GPSM2: variants seen among roughly 807,000 people sequenced by gnomAD.
GPSM2 encodes the protein G protein signaling modulator 2, also known as G protein-signaling modulator 2.
In GPSM2, 58 loss-of-function variants were observed where a neutral mutation model predicts 78.4. The observed-to-expected ratio is 0.74, with a 90% CI of 0.60 to 0.92. GPSM2 has a LOEUF of 0.92. Among genes scored for constraint, GPSM2 ranks in the 40% least tolerant of loss-of-function variants. The pLI, the probability that GPSM2 is intolerant of heterozygous loss-of-function variation, is 0.00. For missense variants in GPSM2, 700 were observed against 815.5 expected (o/e 0.86, Z 1.73); for synonymous variants, 224 against 280.2 (o/e 0.80, Z 2.00).
rs115432750 is a variant in GPSM2 at position 108,931,104 on chromosome 1, A to C, written c.*1164A>C. 2,164 of 357,004 alleles carry C rather than the reference A, an allele frequency of 6.1e-3. 35 individuals carry two copies. The highest frequency in any genetic ancestry group is 0.042 in the African/African-American group (1,989 of 46,994). 22.1% of individuals were successfully genotyped at this position (357,004 alleles called of 1,614,324 possible). On this transcript the variant is annotated 3_prime_UTR_variant, in exon 15 of 15. Coordinates refer to ENST00000264126, the MANE Select transcript of GPSM2 (RefSeq NM_013296.5). ...TGGGCTGTTTAAAAAAATTATTTAA[A>C]ATGGTCTCTTCTGTTCCATAATACT...
chr1:108,900,537 C>T (rs1648729229), intron 7 of GPSM2, among the ~76,000 whole-genome samples: 1 of 152,188 alleles, frequency 6.6e-6, no homozygotes, highest in Non-Finnish European at 1.5e-5. Flanking sequence ...CCACACCCAG[C>T]CTGGAATTGT....
intron 2 of GPSM2, among the ~76,000 whole-genome samples, chr1:108,891,912 A>G (rs941684418): frequency 1.3e-5 from 2 of 152,180 alleles, no homozygotes; most frequent in African/African-American, 4.8e-5. Flanking sequence ...TTCTTATTCT[A>G]TATTATTAAT....
chr1:108,881,163 G>A (rs1665879461), intron 1 of GPSM2, among the ~76,000 whole-genome samples: 1 of 152,044 alleles, frequency 6.6e-6, no homozygotes, highest in African/African-American at 2.4e-5. Flanking sequence ...TCAATTCCCG[G>A]GATATGGAAA....
intron 2 of GPSM2, among the ~76,000 whole-genome samples, chr1:108,891,137 G>A (rs1162010917): frequency 1.3e-5 from 2 of 152,124 alleles, no homozygotes; most frequent in Admixed American, 1.3e-4. Context: ...GATACATTGG[G>A]TTTGTTACAC....
intron 7 of GPSM2, among the ~76,000 whole-genome samples, chr1:108,899,668 T>G (rs917233069): frequency 2.0e-5 from 3 of 152,228 alleles, no homozygotes; most frequent in Non-Finnish European, 4.4e-5. Flanking sequence ...CTGTGCTTTC[T>G]AGATTGAGTT....
chr1:108,918,891 T>C (rs1650480648), intron 12 of GPSM2, 102 bp downstream of exon 12: 1 of 755,686 alleles, frequency 1.3e-6, no homozygotes, highest in Non-Finnish European at 2.3e-6. Context: ...AGACATTTAA[T>C]ATAAAATATC....
At chr1:108,884,560 A>G (rs747944551) in intron 1 of GPSM2, among the ~76,000 whole-genome samples, 14 of 152,232 alleles carry the variant, frequency 9.2e-5, no homozygotes, top group Non-Finnish European at 1.8e-4. Flanking sequence ...CATTCGTGTT[A>G]AAGTTGTAAA....
rs1200151763 is a variant in GPSM2, at chr1:108,933,561, T to C, written c.*3621T>C. On this transcript the variant is annotated 3_prime_UTR_variant, in exon 15 of 15. Transcript: ENST00000264126. Reference sequence around the variant, plus strand: ...GGGATACAAATATCTGCATGAAAATTTAAAGACTTTATTCCTGACTGGTAT... The same window carrying C: ...GGGATACAAATATCTGCATGAAAATCTAAAGACTTTATTCCTGACTGGTAT... The C allele has an allele frequency of 6.6e-6, 1 of 152,254 alleles. No individual in the cohort carries two copies. The highest frequency in any genetic ancestry group is 1.5e-5 in the Non-Finnish European group (1 of 68,048). The allele number at this position is 152,254 out of a possible 1,614,324, so 9.4% of individuals were successfully genotyped here.
intron 7 of GPSM2, among the ~76,000 whole-genome samples, chr1:108,900,233 ATTTTTT>A (rs756615139): frequency 1.5e-5 from 2 of 131,226 alleles, no homozygotes; most frequent in Admixed American, 7.8e-5. Flanking sequence ...TCTTCTTTAG[ATTTTTT>A]TTTTTTTTTT....
At chr1:108,893,322 C>G (rs1351218610) in intron 2 of GPSM2, among the ~76,000 whole-genome samples, 2 of 152,222 alleles carry the variant, frequency 1.3e-5, no homozygotes, top group African/African-American at 2.4e-5. Flanking sequence ...TCCCGGCCAG[C>G]AACCCAGTCA....
chr1:108,917,092 AG>A (rs1484016977), intron 11 of GPSM2, among the ~76,000 whole-genome samples: 3 of 152,214 alleles, frequency 2.0e-5, no homozygotes, highest in African/African-American at 7.2e-5. Context: ...TAAATATATA[AG>A]GAACATTTTT....
chr1:108,924,452 T>C (rs903442765), intron 14 of GPSM2: 56 of 560,044 alleles, frequency 1.0e-4, no homozygotes, highest in East Asian at 4.8e-4. Context: ...TGTGTGTATA[T>C]ATATAGAGAG....
At chr1:108,898,172 C>A in intron 5 of GPSM2, 71 bp downstream of exon 5, 1 of 1,443,584 alleles carries the variant, frequency 6.9e-7, no homozygotes, top group Admixed American at 1.7e-5. Flanking sequence ...GTTCTTTATT[C>A]AGTAGTAAGT....
chr1:108,904,054 A>G, intron 9 of GPSM2, 71 bp from the exon 10 acceptor site: 2 of 1,042,010 alleles, frequency 1.9e-6, no homozygotes, highest in South Asian at 1.3e-5. Flanking sequence ...TAGGTTCACT[A>G]CATTTACAAA....
intron 10 of GPSM2, among the ~76,000 whole-genome samples, chr1:108,910,351 C>T (rs1179277241): frequency 6.6e-6 from 1 of 152,024 alleles, no homozygotes; most frequent in African/African-American, 2.4e-5. Context: ...GGTAAACCAG[C>T]CACTTAAGAA....
intron 10 of GPSM2, among the ~76,000 whole-genome samples, chr1:108,913,156 G>A (rs370320561): frequency 2.0e-5 from 3 of 152,220 alleles, no homozygotes; most frequent in South Asian, 2.1e-4. Context: ...TTAAAGATGC[G>A]CCAACTGGAT....
intron 13 of GPSM2, 68 bp from the exon 14 acceptor site, chr1:108,923,932 T>G: frequency 2.7e-6 from 3 of 1,127,168 alleles, no homozygotes; most frequent in Non-Finnish European, 4.1e-6. Context: ...ATAATAAATG[T>G]GCCTAGGTTT....
At position 108,923,865 on chromosome 1, in the gene GPSM2, T is replaced by G. The variant is rs914976885; in HGVS notation, c.1601-135T>G. 389 of 701,084 alleles carry G rather than the reference T, an allele frequency of 5.5e-4. 1 individual carries two copies. The highest frequency in any genetic ancestry group is 3.5e-4 in the Admixed American group (16 of 45,074). The allele number at this position is 701,084 out of a possible 1,614,324, so 43.4% of individuals were successfully genotyped here. On this transcript the variant is annotated intron_variant, in intron 13 of 14. Coordinates refer to ENST00000264126, the MANE Select transcript of GPSM2 (RefSeq NM_013296.5). Reference sequence around the variant, plus strand: ...AGCCAAAGCCCATCAGTGTCAGCGCTATAGCAGGAGGGCAGGGCGGGTCTT... The same window carrying G: ...AGCCAAAGCCCATCAGTGTCAGCGCGATAGCAGGAGGGCAGGGCGGGTCTT...
intron 2 of GPSM2, among the ~76,000 whole-genome samples, chr1:108,895,593 C>T (rs1648293370): frequency 6.6e-6 from 1 of 152,068 alleles, no homozygotes; most frequent in Non-Finnish European, 1.5e-5. Context: ...GTGAACTGCA[C>T]ATTCGAGGGA....
Sources: allele counts gnomAD v4.1 joint callset (sites outside exome capture counted in the v4.1 genomes callset), GRCh38; gene constraint gnomAD v4.1.1; transcripts MANE v1.5; gene names NCBI Gene and HGNC (gene_info 2026-07-23, HGNC 2026-07-21).